The following KDM4C variants were observed in gnomAD, a reference collection of about 807,000 sequenced individuals.
The protein encoded by KDM4C is lysine-specific demethylase 4C.
KDM4C carries 81 observed loss-of-function variants against 129.3 expected under a neutral mutation model. That is an observed-to-expected ratio of 0.63 (90% CI 0.52 to 0.75). The LOEUF is 0.75. Among genes scored for constraint, KDM4C ranks in the 30% least tolerant of loss-of-function variants. KDM4C has a pLI of 0.00. For missense variants in KDM4C, 1,457 were observed against 1,304.0 expected (o/e 1.12, Z -1.81); for synonymous variants, 573 against 456.1 (o/e 1.26, Z -3.26).
chr9:7,157,406 G>A (rs1309756279), intron 19 of KDM4C, among the ~76,000 whole-genome samples: 6 of 152,210 alleles, frequency 3.9e-5, no homozygotes, highest in African/African-American at 1.2e-4. Flanking sequence ...TAGGAGTGGT[G>A]AGGGAGGGCA....
chr9:6,826,460 A>G (rs1833887218), intron 4 of KDM4C, among the ~76,000 whole-genome samples: 1 of 152,132 alleles, frequency 6.6e-6, no homozygotes, highest in Admixed American at 6.5e-5. Flanking sequence ...CCATAATTGC[A>G]TATAAAAAAA....
intron 17 of KDM4C, among the ~76,000 whole-genome samples, chr9:7,061,532 G>T (rs1190775451): frequency 7.7e-6 from 1 of 129,060 alleles, no homozygotes; most frequent in Admixed American, 8.1e-5. Context: ...TTATGATCTG[G>T]CTGGGCATTT....
chr9:6,835,845 C>T (rs537330510), intron 4 of KDM4C, among the ~76,000 whole-genome samples: 4 of 152,112 alleles, frequency 2.6e-5, no homozygotes, highest in South Asian at 2.1e-4. Flanking sequence ...TTCCAAATAT[C>T]GTGAGATGCA....
chr9:6,936,509 C>G (rs1298577017), intron 8 of KDM4C, among the ~76,000 whole-genome samples: 1 of 152,044 alleles, frequency 6.6e-6, no homozygotes, highest in Admixed American at 6.5e-5. Flanking sequence ...TTTGATGGTC[C>G]AGTAAATTAG....
At chr9:6,943,142 G>A (rs1826264907) in intron 8 of KDM4C, among the ~76,000 whole-genome samples, 1 of 152,082 alleles carries the variant, frequency 6.6e-6, no homozygotes, top group Non-Finnish European at 1.5e-5. Context: ...TTTTGGGATT[G>A]TAAAGGATTT....
intron 8 of KDM4C, among the ~76,000 whole-genome samples, chr9:6,910,185 CT>C (rs1457225772): frequency 1.5e-4 from 23 of 152,048 alleles, no homozygotes; most frequent in South Asian, 4.1e-4. Flanking sequence ...TTATGAGTTA[CT>C]CTTTTTTGCC....
chr9:6,796,482 T>A (rs4143932), intron 2 of KDM4C, among the ~76,000 whole-genome samples: 10,259 of 152,244 alleles, frequency 0.067, 424 homozygotes, highest in East Asian at 0.2. Flanking sequence ...ATGTACTGTG[T>A]TCCACTGAAA....
intron 7 of KDM4C, among the ~76,000 whole-genome samples, chr9:6,890,684 T>G (rs964483826): frequency 2.0e-5 from 3 of 151,984 alleles, no homozygotes; most frequent in African/African-American, 7.3e-5. Flanking sequence ...GTAGAGAAGG[T>G]TTGTAGGTAG....
intron 8 of KDM4C, among the ~76,000 whole-genome samples, chr9:6,955,339 G>C (rs921372566): frequency 3.3e-5 from 5 of 152,188 alleles, no homozygotes; most frequent in African/African-American, 1.2e-4. Context: ...GTAGGTTTTG[G>C]TTTTACCTTT....
intron 15 of KDM4C, among the ~76,000 whole-genome samples, chr9:7,032,504 A>G (rs1477190538): frequency 6.6e-6 from 1 of 152,224 alleles, no homozygotes; most frequent in East Asian, 1.9e-4. Context: ...TGTGTTCAGA[A>G]TAACTATGGA....
At chr9:7,058,767 TC>T (rs1831221429) in intron 17 of KDM4C, among the ~76,000 whole-genome samples, 1 of 152,252 alleles carries the variant, frequency 6.6e-6, no homozygotes, top group Non-Finnish European at 1.5e-5. Context: ...AGAAAGCACT[TC>T]CACTGCCTGC....
intron 4 of KDM4C, among the ~76,000 whole-genome samples, chr9:6,823,944 G>A (rs894049978): frequency 5.3e-5 from 8 of 152,270 alleles, no homozygotes; most frequent in African/African-American, 1.9e-4. Context: ...CACTCATACT[G>A]ATGGGAAGAT....
At chr9:6,957,475 G>A (rs900701455) in intron 8 of KDM4C, among the ~76,000 whole-genome samples, 4 of 152,082 alleles carry the variant, frequency 2.6e-5, no homozygotes, top group Non-Finnish European at 5.9e-5. Context: ...CACTTTTAGA[G>A]CTTGTTAATA....
chr9:6,937,161 TAAG>T (rs1019782897), intron 8 of KDM4C, among the ~76,000 whole-genome samples: 1 of 152,156 alleles, frequency 6.6e-6, no homozygotes, highest in African/African-American at 2.4e-5. Flanking sequence ...ATTTTTAACA[TAAG>T]AACCTCCCGA....
intron 1 of KDM4C, among the ~76,000 whole-genome samples, chr9:6,770,362 G>T (rs1197803757): frequency 6.6e-6 from 1 of 152,100 alleles, no homozygotes; most frequent in East Asian, 1.9e-4. Flanking sequence ...AATTAAACTT[G>T]TCAAGCTGTC....
At chr9:7,089,665 T>A (rs1332387262) in intron 17 of KDM4C, among the ~76,000 whole-genome samples, 2 of 152,142 alleles carry the variant, frequency 1.3e-5, no homozygotes, top group African/African-American at 2.4e-5. Context: ...ACCTTTCCAG[T>A]CCAAGTTACA....
At chr9:7,123,248 C>G (rs1355523483) in intron 18 of KDM4C, among the ~76,000 whole-genome samples, 1 of 152,190 alleles carries the variant, frequency 6.6e-6, no homozygotes, top group Non-Finnish European at 1.5e-5. Context: ...GAGCCAGCCT[C>G]TTCCTTATAA....
At chr9:6,933,649 T>G (rs569414729) in intron 8 of KDM4C, among the ~76,000 whole-genome samples, 2 of 152,344 alleles carry the variant, frequency 1.3e-5, no homozygotes, top group South Asian at 4.1e-4. Context: ...GGTAATTTGA[T>G]AAGTATTTAC....
intron 19 of KDM4C, among the ~76,000 whole-genome samples, chr9:7,133,725 C>T (rs1014120282): frequency 3.9e-5 from 6 of 152,162 alleles, no homozygotes; most frequent in Non-Finnish European, 7.3e-5. Flanking sequence ...TGGTGTAAAA[C>T]CCGTTTCAGT....
Sources: gnomAD v4.1 joint callset for allele counts (sites outside exome capture counted in the v4.1 genomes callset) on GRCh38, gnomAD v4.1.1 for gene constraint, MANE v1.5 for transcripts, NCBI Gene and HGNC (gene_info 2026-07-23, HGNC 2026-07-21) for gene names.